The following RPS29 variants were observed in gnomAD, a reference collection of about 807,000 sequenced individuals.
The protein encoded by RPS29 is small ribosomal subunit protein uS14.
For missense variants in RPS29, 60 were observed against 75.7 expected, an observed-to-expected ratio of 0.79 and a Z score of 0.77; for synonymous variants, 37 against 26.9, an observed-to-expected ratio of 1.37 and a Z score of -1.16.
exon 3 of RPS29, chr14:49,577,626 A>G: frequency 2.8e-6 from 2 of 709,506 alleles, no homozygotes; most frequent in Non-Finnish European, 5.1e-6. Context: ...TCCCATAACC[A>G]ATGTTGGGCA....
At chr14:49,587,803 G>A (rs1027322704), upstream of RPS29, among the ~76,000 whole-genome samples, 1 of 152,186 alleles carries the variant, frequency 6.6e-6, no homozygotes, top group South Asian at 2.1e-4. Flanking sequence ...ATTCCAGTTC[G>A]AGGTACATTT....
At chr14:49,593,147 A>AT (rs1334745537) in intron 1 of RPS29, among the ~76,000 whole-genome samples, 1 of 152,200 alleles carries the variant, frequency 6.6e-6, no homozygotes, top group African/African-American at 2.4e-5. Context: ...AGGCTGCTGT[A>AT]TTCTAGCACA....
chr14:49,581,159 C>T (rs1360544807), downstream of RPS29, among the ~76,000 whole-genome samples: 1 of 151,598 alleles, frequency 6.6e-6, no homozygotes, highest in African/African-American at 2.4e-5. Context: ...TGCAGCACTC[C>T]AGCCTGGGCA....
downstream of RPS29, among the ~76,000 whole-genome samples, chr14:49,579,058 TTA>T (rs1881266441): frequency 6.6e-6 from 1 of 152,154 alleles, no homozygotes; most frequent in Admixed American, 6.5e-5. Flanking sequence ...GCCAAAATGT[TTA>T]TGTCCCCCAT....
intron 1 of RPS29, chr14:49,597,928 C>A (rs946253031): frequency 6.4e-6 from 1 of 155,310 alleles, no homozygotes; most frequent in African/African-American, 2.4e-5. Flanking sequence ...GGATTACAGG[C>A]GTGAGCCACC....
chr14:49,574,334 A>C (rs575686541), exon 3 of RPS29: 1 of 152,268 alleles, frequency 6.6e-6, no homozygotes, highest in South Asian at 2.1e-4. Context: ...ATTAAACTAA[A>C]CCATTTTTTT....
At chr14:49,577,778 G>A (rs757307250) in exon 3 of RPS29, 51 of 1,567,332 alleles carry the variant, frequency 3.3e-5, no homozygotes, top group East Asian at 2.5e-4. Flanking sequence ...CTTCGCGAGC[G>A]GTCTCAGGAT....
At position 49,577,557 on chromosome 14, in the gene RPS29, G is replaced by T. The variant is rs77529832; in HGVS notation, c.*255C>A. The T allele has an allele frequency of 2.8e-3, 1,740 of 621,940 alleles. 21 individuals carry two copies. In the African/African-American group the frequency reaches 0.029, roughly 10 times the overall value. The allele number at this position is 621,940 out of a possible 1,614,324, so 38.5% of individuals were successfully genotyped here. ...CCAGCAGTACTTCCAGCTCCTTAAC[G>T]TTGTGGACCAGGAACTTCCAGAAGC... On this transcript the variant is annotated 3_prime_UTR_variant, in exon 3 of 3. Transcript: ENST00000396020.
downstream of RPS29, among the ~76,000 whole-genome samples, chr14:49,581,799 C>T (rs550346268): frequency 1.3e-5 from 2 of 151,960 alleles, no homozygotes; most frequent in Admixed American, 6.6e-5. Flanking sequence ...GAGACCAAGG[C>T]GGGCTGATCA....
chr14:49,585,983 G>T lies in RPS29; in HGVS notation c.129C>A (p.Phe43Leu). 1 of 1,613,870 alleles carries T rather than the reference G, an allele frequency of 6.2e-7. No individual in the cohort carries two copies. The highest frequency in any genetic ancestry group is 8.5e-7 in the Non-Finnish European group (1 of 1,179,796). The change falls in exon 2 of 3, where the codon TTC becomes TTA. Residue 43 changes from phenylalanine to leucine, a missense_variant. Physicochemically the swap from Phe to Leu is conservative, Grantham distance 22 (BLOSUM62 0). Transcript: ENST00000245458. ...AACCGATATCCTTCGCGTACTGACG[G>T]AAACACTGGCGGCACATATTGAGGC... The part of the protein sequence containing the change: ...KYGLNMCRQC[F>L]RQYAKDIGFI...
At chr14:49,573,879 G>A (rs1257508738) in exon 3 of RPS29, 1 of 152,214 alleles carries the variant, frequency 6.6e-6, no homozygotes, top group Non-Finnish European at 1.5e-5. Flanking sequence ...TGGGACGTGT[G>A]GGTGTGTGAA....
Position 49,583,658 on chromosome 14 carries a change from G to A in RPS29, c.*9C>T. 4.5e-6 allele frequency: 7 copies of A among 1,569,266 alleles called. No homozygotes were observed. Among genetic ancestry groups the A allele is most frequent in the Non-Finnish European group, 6.1e-6 (7 of 1,149,874 alleles). On this transcript the variant is annotated 3_prime_UTR_variant, in exon 3 of 3. Transcript: ENST00000245458. ...AGATGCCCCGGATAATCCTCTGAAG[G>A]AAGAGCATTTAGTCCAACTGAAAAA...
At chr14:49,578,706 G>A (rs979897405), downstream of RPS29, among the ~76,000 whole-genome samples, 44 of 151,670 alleles carry the variant, frequency 2.9e-4, no homozygotes, top group African/African-American at 1.0e-3. Context: ...GATTACAGGC[G>A]CACACCACCA....
chr14:49,573,820 A>G (rs942578591), exon 3 of RPS29: 10 of 152,206 alleles, frequency 6.6e-5, no homozygotes, highest in Admixed American at 6.5e-4. Context: ...TGTTAATAAG[A>G]GTTAATTACC....
downstream of RPS29, among the ~76,000 whole-genome samples, chr14:49,578,752 G>C (rs912917314): frequency 4.6e-5 from 7 of 151,692 alleles, no homozygotes; most frequent in Admixed American, 4.6e-4. Context: ...ACAGAGACAG[G>C]GTTTCACCAT....
upstream of RPS29, among the ~76,000 whole-genome samples, chr14:49,591,165 A>G (rs1402417222): frequency 1.3e-5 from 2 of 152,218 alleles, no homozygotes; most frequent in African/African-American, 2.4e-5. Flanking sequence ...AAAAGGAAAA[A>G]AATACATACA....
At chr14:49,574,415 C>T (rs1422731644) in exon 3 of RPS29, 1 of 152,168 alleles carries the variant, frequency 6.6e-6, no homozygotes, top group Non-Finnish European at 1.5e-5. Flanking sequence ...AAACTATATA[C>T]AGTAAGAAGT....
upstream of RPS29, among the ~76,000 whole-genome samples, chr14:49,590,067 G>A (rs543867605): frequency 1.4e-4 from 21 of 152,300 alleles, no homozygotes; most frequent in East Asian, 3.5e-3. Flanking sequence ...GTGAGGATTC[G>A]AAAAGTACCT....
chr14:49,596,292 T>C (rs1881821255), intron 1 of RPS29, among the ~76,000 whole-genome samples: 1 of 152,224 alleles, frequency 6.6e-6, no homozygotes, highest in Admixed American at 6.5e-5. Context: ...TTTATTTCTC[T>C]TGTCAAAAAC....
Sources: gnomAD v4.1 joint callset for allele counts (sites outside exome capture counted in the v4.1 genomes callset) on GRCh38, gnomAD v4.1.1 for gene constraint, MANE v1.5 for transcripts, NCBI Gene and HGNC (gene_info 2026-07-23, HGNC 2026-07-21) for gene names.